Variants in TXNRD1 observed in about 807,000 individuals in gnomAD.
The protein encoded by TXNRD1 is thioredoxin reductase 1.
Under a neutral mutation model 80.3 loss-of-function variants are expected in TXNRD1, and 57 were observed. The ratio of observed to expected loss-of-function variants is 0.71; its 90% CI spans 0.57 to 0.89. TXNRD1 has a LOEUF of 0.89. Ranked by LOEUF, TXNRD1 falls within the 40% of genes least tolerant of loss-of-function variation. The pLI is 0.00. For missense variants in TXNRD1, 730 were observed against 803.0 expected (o/e 0.91, Z 1.10); for synonymous variants, 291 against 285.2 (o/e 1.02, Z -0.20).
chr12:104,278,570 T>C (rs1328700455), intron 3 of TXNRD1, among the ~76,000 whole-genome samples: 1 of 145,920 alleles, frequency 6.9e-6, no homozygotes, highest in Non-Finnish European at 1.5e-5. Context: ...GGTGCCGTCT[T>C]GGCTCACTGC....
At chr12:104,269,470 G>T (rs1360507946) in intron 3 of TXNRD1, among the ~76,000 whole-genome samples, 10 of 147,350 alleles carry the variant, frequency 6.8e-5, no homozygotes, top group African/African-American at 1.3e-4. Context: ...TGTAGTCATG[G>T]CTCACTGTGG....
chr12:104,331,507 T>G, intron 13 of TXNRD1, 27 bp from the exon 14 acceptor site: 1 of 1,489,546 alleles, frequency 6.7e-7, no homozygotes. Flanking sequence ...TTGCCTATTA[T>G]AACTCCTTAC....
intron 6 of TXNRD1, among the ~76,000 whole-genome samples, chr12:104,314,380 T>C (rs1440263076): frequency 3.9e-5 from 6 of 152,202 alleles, no homozygotes; most frequent in African/African-American, 1.4e-4. Flanking sequence ...TGTCACAATT[T>C]CTGATTCATC....
At chr12:104,348,014 A>G (rs1335017558) in intron 16 of TXNRD1, among the ~76,000 whole-genome samples, 4 of 152,232 alleles carry the variant, frequency 2.6e-5, no homozygotes, top group Admixed American at 6.5e-5. Context: ...TGGGCACTTT[A>G]TACCCTTCTT....
chr12:104,292,690 G>A (rs1427267532), intron 4 of TXNRD1, among the ~76,000 whole-genome samples: 2 of 152,106 alleles, frequency 1.3e-5, no homozygotes, highest in Admixed American at 1.3e-4. Context: ...CACCACGCCC[G>A]GCTTGCCTTA....
At chr12:104,267,247 C>CTTTCTTTCTTTCTTTCTTTA (rs1188049945) in intron 3 of TXNRD1, among the ~76,000 whole-genome samples, 1 of 124,034 alleles carries the variant, frequency 8.1e-6, no homozygotes, top group African/African-American at 3.2e-5. Context: ...TTTTCTCTTT[C>CTTTCTTTCTTTCTTTCTTTA]TTTCTTTCTT....
chr12:104,296,263 A>T (rs1028293569), intron 4 of TXNRD1, among the ~76,000 whole-genome samples: 1 of 152,208 alleles, frequency 6.6e-6, no homozygotes, highest in African/African-American at 2.4e-5. Context: ...TGGTATTCCT[A>T]GCATAGTGCT....
Position 104,292,347 on chromosome 12 carries a change from T to A in TXNRD1, c.414+3307T>A, listed in dbSNP as rs931358542. ...ATGCCCAGGCTTTACCCGAGTTCTT[T>A]TGAAGTAGACTCGGGAAAGAGCTAG... On this transcript the variant is annotated intron_variant, in intron 4 of 16. Coordinates refer to ENST00000525566, the MANE Select transcript of TXNRD1 (RefSeq NM_001093771.3). Among the ~76,000 whole-genome samples, 8 of 152,020 alleles carry A rather than the reference T, an allele frequency of 5.3e-5. No homozygotes were observed. In the East Asian group the frequency reaches 9.6e-4, roughly 18 times the overall value.
intron 1 of TXNRD1, among the ~76,000 whole-genome samples, chr12:104,240,750 A>AT (rs11422135): frequency 0.84 from 119,568 of 142,948 alleles, 50,252 homozygotes; most frequent in African/African-American, 0.93. Flanking sequence ...TCTTTGTGGA[A>AT]TTTTTTTTTT....
chr12:104,303,779 C>A, intron 4 of TXNRD1: 4 of 1,260,866 alleles, frequency 3.2e-6, no homozygotes, highest in Non-Finnish European at 4.2e-6. Flanking sequence ...CCACTTTCCA[C>A]ACGCTGGGAG....
chr12:104,309,594 T>C (rs1340659340), intron 4 of TXNRD1, among the ~76,000 whole-genome samples: 2 of 152,284 alleles, frequency 1.3e-5, no homozygotes, highest in Non-Finnish European at 2.9e-5. Context: ...AAAAAATGAT[T>C]GTATGTTATT....
At chr12:104,300,228 A>G (rs1045941692) in intron 4 of TXNRD1, among the ~76,000 whole-genome samples, 3 of 152,248 alleles carry the variant, frequency 2.0e-5, no homozygotes, top group African/African-American at 7.2e-5. Context: ...TAGAAAAGGA[A>G]CTGAAAATAT....
At chr12:104,307,090 G>A (rs757465831) in intron 4 of TXNRD1, among the ~76,000 whole-genome samples, 4 of 152,010 alleles carry the variant, frequency 2.6e-5, no homozygotes, top group Non-Finnish European at 5.9e-5. Context: ...TTACTGGTTG[G>A]CATGACACCA....
At chr12:104,217,073 T>C (rs181494235) in intron 1 of TXNRD1, among the ~76,000 whole-genome samples, 1 of 152,068 alleles carries the variant, frequency 6.6e-6, no homozygotes, top group East Asian at 1.9e-4. Context: ...GGACTTGGAT[T>C]AGGGGAAGGG....
In TXNRD1 at chr12:104,348,502, G is replaced by A. The variant is rs2036562678; in HGVS notation, c.*81G>A. On this transcript the variant is annotated 3_prime_UTR_variant, in exon 17 of 17. Transcript: ENST00000525566. ...CAAATCCAAGGCGAAGTTTTCTAGA[G>A]GGTTCTTGGGCTCTTGGCACCTGCG... 1 of 1,417,204 alleles carries A rather than the reference G, an allele frequency of 7.1e-7. No individual in the cohort carries two copies. Among genetic ancestry groups the A allele is most frequent in the African/African-American group, 1.4e-5 (1 of 70,984 alleles). 87.8% of individuals were successfully genotyped at this position (1,417,204 alleles called of 1,614,324 possible).
intron 16 of TXNRD1, among the ~76,000 whole-genome samples, chr12:104,346,407 C>T (rs2036493428): frequency 6.6e-6 from 1 of 152,170 alleles, no homozygotes; most frequent in African/African-American, 2.4e-5. Flanking sequence ...CAGATAAGAG[C>T]TCATTTTGGT....
chr12:104,342,544 G>C (rs181258920), intron 16 of TXNRD1, among the ~76,000 whole-genome samples: 62 of 152,362 alleles, frequency 4.1e-4, no homozygotes, highest in Non-Finnish European at 7.1e-4. Flanking sequence ...TAGCTAGTGA[G>C]AGAACACTGT....
At chr12:104,317,213 C>T (rs1302223182) in intron 7 of TXNRD1, among the ~76,000 whole-genome samples, 2 of 152,064 alleles carry the variant, frequency 1.3e-5, no homozygotes, top group Non-Finnish European at 2.9e-5. Context: ...TATTCTATTC[C>T]ACTCCTAGCA....
rs369301389 is a variant in TXNRD1, at chr12:104,289,047, G to A, written c.414+7G>A. 12 of 1,611,956 alleles carry A rather than the reference G, an allele frequency of 7.4e-6. No individual in the cohort carries two copies. Among genetic ancestry groups the A allele is most frequent in the Admixed American group, 1.7e-5 (1 of 59,812 alleles). On this transcript the variant is annotated splice_region_variant and intron_variant, in intron 4 of 16. Transcript: ENST00000525566. ...CCATGGTCCAACCTTGAAGGTAGGA[G>A]AGAGTAACGTATCTTTTTAAACGGG...
Sources: allele counts gnomAD v4.1 joint callset (sites outside exome capture counted in the v4.1 genomes callset), GRCh38; gene constraint gnomAD v4.1.1; transcripts MANE v1.5; gene names NCBI Gene and HGNC (gene_info 2026-07-23, HGNC 2026-07-21).